The following ESR2 variants were observed in gnomAD, a reference collection of about 807,000 sequenced individuals.
The protein encoded by ESR2 is estrogen receptor beta.
ESR2 carries 36 observed loss-of-function variants against 49.6 expected under a neutral mutation model. That is an observed-to-expected ratio of 0.73 (90% CI 0.56 to 0.96). The LOEUF (loss-of-function observed/expected upper bound fraction) is 0.96. Ranked by LOEUF, ESR2 falls within the 40% of genes least tolerant of loss-of-function variation. The pLI, the probability that ESR2 is intolerant of heterozygous loss-of-function variation, is 0.00. For synonymous variants in ESR2, 320 were observed against 266.1 expected, an observed-to-expected ratio of 1.20 and a Z score of -1.97; for missense variants, 714 against 693.0, an observed-to-expected ratio of 1.03 and a Z score of -0.34.
chr14:64,253,604 G>GTGTGTGTGTATATGTATGTGTGTGTGTA (rs375688515), intron 6 of ESR2, among the ~76,000 whole-genome samples: 2 of 142,908 alleles, frequency 1.4e-5, no homozygotes, highest in African/African-American at 5.4e-5. Flanking sequence ...GTGTGTGTGT[G>GTGTGTGTGTATATGTATGTGTGTGTGTA]TATGTATGTG....
intron 1 of ESR2, among the ~76,000 whole-genome samples, chr14:64,307,177 C>T (rs2077112962): frequency 6.6e-6 from 1 of 151,032 alleles, no homozygotes; most frequent in South Asian, 2.1e-4. Context: ...TTCAGTCTGG[C>T]TAGAGGTTTA....
rs540024305 is a variant in ESR2 at position 64,281,195 on chromosome 14, A to G, written c.363-1042T>C. ...AGGCTTGGAAGGAAGCAGAGGCTCAATGCTGGACCACAGGCAAGAGGTTCA... is the reference window on the plus strand; with the variant it reads ...AGGCTTGGAAGGAAGCAGAGGCTCAGTGCTGGACCACAGGCAAGAGGTTCA... On this transcript the variant is annotated intron_variant, in intron 2 of 8. Transcript: ENST00000341099. 7.9e-5 allele frequency among the ~76,000 whole-genome samples: 12 copies of G among 152,312 alleles called. 1 individual carries two copies. Among genetic ancestry groups the G allele is most frequent in the African/African-American group, 2.6e-4 (11 of 41,578 alleles).
chr14:64,309,241 T>C (rs931345588), intron 1 of ESR2, among the ~76,000 whole-genome samples: 2 of 152,192 alleles, frequency 1.3e-5, no homozygotes, highest in South Asian at 4.1e-4. Context: ...TAAGAGAGTA[T>C]GTTATCTAAG....
At chr14:64,283,147 A>G in intron 1 of ESR2, 72 bp from the exon 2 acceptor site, 3 of 595,928 alleles carry the variant, frequency 5.0e-6, no homozygotes, top group East Asian at 2.9e-5. Flanking sequence ...AAATATTTTC[A>G]TTAAAAAAAT....
At chr14:64,237,791 A>T (rs1035866787) in intron 7 of ESR2, among the ~76,000 whole-genome samples, 45 of 152,246 alleles carry the variant, frequency 3.0e-4, no homozygotes, top group Non-Finnish European at 5.3e-4. Context: ...CACATGTTGT[A>T]TGATTCCATT....
chr14:64,331,952 T>C (rs2077465838), intron 1 of ESR2, among the ~76,000 whole-genome samples: 1 of 152,028 alleles, frequency 6.6e-6, no homozygotes, highest in South Asian at 2.1e-4. Flanking sequence ...TCAGCCACCA[T>C]TTTAGCACTA....
chr14:64,252,745 C>G (rs1018613904), intron 6 of ESR2, among the ~76,000 whole-genome samples: 2 of 152,142 alleles, frequency 1.3e-5, no homozygotes, highest in African/African-American at 4.8e-5. Context: ...GGAAACCATC[C>G]CCATGATCCA....
At chr14:64,235,590 C>G (rs949848413) in intron 7 of ESR2, among the ~76,000 whole-genome samples, 10 of 152,212 alleles carry the variant, frequency 6.6e-5, no homozygotes, top group African/African-American at 2.4e-4. Flanking sequence ...ATGAAGCCTC[C>G]TCTGCCACCT....
At chr14:64,285,826 C>CAAA (rs10559131) in intron 1 of ESR2, among the ~76,000 whole-genome samples, 2 of 100,804 alleles carry the variant, frequency 2.0e-5, no homozygotes, top group Non-Finnish European at 4.0e-5. Flanking sequence ...GACTCTGTCT[C>CAAA]AAAAAAAAAA....
chr14:64,292,003 A>T (rs975602767), intron 1 of ESR2, among the ~76,000 whole-genome samples: 1 of 152,182 alleles, frequency 6.6e-6, no homozygotes, highest in African/African-American at 2.4e-5. Flanking sequence ...TCAATTCAGG[A>T]TAACTAATGA....
chr14:64,306,084 C>T (rs2077093408), intron 1 of ESR2, among the ~76,000 whole-genome samples: 1 of 151,952 alleles, frequency 6.6e-6, no homozygotes, highest in South Asian at 2.1e-4. Flanking sequence ...TGGCGCATGC[C>T]TGTAATACCA....
At chr14:64,250,946 T>G (rs184696386) in intron 6 of ESR2, among the ~76,000 whole-genome samples, 2 of 152,312 alleles carry the variant, frequency 1.3e-5, no homozygotes, top group Admixed American at 1.3e-4. Context: ...AGTTACTAAA[T>G]TTACTAAATC....
chr14:64,241,458 T>C (rs979776153), intron 7 of ESR2, among the ~76,000 whole-genome samples: 1 of 152,234 alleles, frequency 6.6e-6, no homozygotes, highest in Non-Finnish European at 1.5e-5. Context: ...TTTCACATGA[T>C]TTTAAGAATC....
intron 1 of ESR2, among the ~76,000 whole-genome samples, chr14:64,308,913 G>C (rs923065480): frequency 6.6e-6 from 1 of 151,476 alleles, no homozygotes; most frequent in Non-Finnish European, 1.5e-5. Context: ...AAAATGCTGG[G>C]ACTACACACC....
At position 64,240,870 on chromosome 14, in the gene ESR2, C is replaced by T. The variant is rs1026546914; in HGVS notation, c.1226-5720G>A. On this transcript the variant is annotated intron_variant, in intron 7 of 8. Transcript: ENST00000341099. The stretch of plus-strand genomic sequence containing the variant: ...TTTAAGATAGGCTAGGCTGGCCGGG[C>T]GCGGTGGCTCACGCTTGTAATCCCA... Among the ~76,000 whole-genome samples, 8 of 152,066 alleles carry T rather than the reference C, an allele frequency of 5.3e-5. No individual in the cohort carries two copies. The East Asian group carries it at 5.8e-4, about 11-fold the overall frequency.
chr14:64,240,960 C>CG (rs1428240238), intron 7 of ESR2, among the ~76,000 whole-genome samples: 1 of 151,398 alleles, frequency 6.6e-6, no homozygotes, highest in Non-Finnish European at 1.5e-5. Flanking sequence ...CTGGCTAACA[C>CG]GGTGAAACCC....
chr14:64,234,821 T>C (rs2098730868), intron 8 of ESR2, 149 bp downstream of exon 8: 2 of 1,447,312 alleles, frequency 1.4e-6, no homozygotes, highest in South Asian at 2.9e-5. Context: ...CCATCTTTGC[T>C]TACAGGTGTG....
intron 7 of ESR2, among the ~76,000 whole-genome samples, chr14:64,242,418 C>CA (rs542050491): frequency 0.013 from 1,555 of 116,840 alleles, 13 homozygotes; most frequent in Non-Finnish European, 0.019. Flanking sequence ...AAAAAAAAAA[C>CA]AAAAAAAACA....
At chr14:64,239,923 T>C (rs888426618) in intron 7 of ESR2, among the ~76,000 whole-genome samples, 1 of 152,228 alleles carries the variant, frequency 6.6e-6, no homozygotes, top group African/African-American at 2.4e-5. Context: ...GATCAGACCT[T>C]TGATTAACTA....
Sources: allele counts gnomAD v4.1 joint callset (sites outside exome capture counted in the v4.1 genomes callset), GRCh38; gene constraint gnomAD v4.1.1; transcripts MANE v1.5; gene names NCBI Gene and HGNC (gene_info 2026-07-23, HGNC 2026-07-21).